Variants in ERCC4 observed in about 807,000 individuals in gnomAD.
ERCC4 encodes the protein ERCC excision repair 4, endonuclease catalytic subunit.
In ERCC4, 65 loss-of-function variants were observed where a neutral mutation model predicts 76.9. The observed-to-expected ratio is 0.84, with a 90% CI of 0.69 to 1.04. ERCC4 has a LOEUF of 1.04. Among genes scored for constraint, ERCC4 ranks in the 50% least tolerant of loss-of-function variants. The pLI is 0.00. For synonymous variants in ERCC4, 463 were observed against 410.1 expected, an observed-to-expected ratio of 1.13 and a Z score of -1.56; for missense variants, 1,214 against 1,128.2, an observed-to-expected ratio of 1.08 and a Z score of -1.09.
At chr16:13,931,630 A>G (rs2032173927) in intron 5 of ERCC4, 1 of 156,446 alleles carries the variant, frequency 6.4e-6, no homozygotes, top group Non-Finnish European at 1.4e-5. Flanking sequence ...AAAGTAAAAA[A>G]TGTTATTTAT....
intron 8 of ERCC4, among the ~76,000 whole-genome samples, chr16:13,937,268 C>T (rs1567249033): frequency 6.6e-6 from 1 of 151,862 alleles, no homozygotes. Context: ...CTTTGAGATG[C>T]CTGATGTAAT....
At position 13,922,207 on chromosome 16, in the gene ERCC4, T is replaced by C. The variant is rs1337735944; in HGVS notation, c.384T>C (p.Ile128=). The change falls in exon 2 of 11, where the codon ATT becomes ATC. Residue 128 remains isoleucine (I), a synonymous_variant. Coordinates refer to ENST00000311895, the MANE Select transcript of ERCC4 (RefSeq NM_005236.3). ...CTGATAGAATACCTTCAGATTTAAT[T>C]ACTGGTAAGAATTTGAAATCTTATT... The part of the protein sequence containing the change: ...FLTDRIPSDL[I]TGILVYRAHR... The C allele has an allele frequency of 6.3e-7, 1 of 1,596,656 alleles. No homozygotes were observed. Among genetic ancestry groups the C allele is most frequent in the African/African-American group, 1.3e-5 (1 of 74,568 alleles).
intron 1 of ERCC4, among the ~76,000 whole-genome samples, chr16:13,920,711 G>A (rs1013283972): frequency 1.3e-5 from 2 of 151,976 alleles, no homozygotes; most frequent in African/African-American, 2.4e-5. Context: ...ACTGTGCGGG[G>A]ACTCTGAGAG....
At chr16:13,932,398 G>C (rs143635105) in intron 6 of ERCC4, 113 bp downstream of exon 6, 2 of 935,110 alleles carry the variant, frequency 2.1e-6, no homozygotes, top group Non-Finnish European at 3.4e-6. Context: ...GTTCCTTGAA[G>C]ATAAATGTAT....
intron 5 of ERCC4, 174 bp downstream of exon 5, chr16:13,931,064 C>G (rs914919779): frequency 2.1e-5 from 13 of 630,926 alleles, no homozygotes; most frequent in Admixed American, 1.6e-4. Context: ...GCTAATGTTT[C>G]CGCCTACTTA....
chr16:13,944,848 C>G lies in ERCC4; in HGVS notation c.2017+13C>G, dbSNP rs2032486473. ...ACTCGGAAAGCCGGTGAGTCCTGCA[C>G]TTTGTCAGGCACCTCCATTGCCTGC... On this transcript the variant is annotated intron_variant, in intron 10 of 10. Transcript: ENST00000311895. 1 of 1,512,794 alleles carries G rather than the reference C, an allele frequency of 6.6e-7. No homozygotes were observed. The highest frequency in any genetic ancestry group is 1.7e-5 in the Admixed American group (1 of 59,894). The allele number at this position is 1,512,794 out of a possible 1,614,324, so 93.7% of individuals were successfully genotyped here.
chr16:13,947,733 G>A lies in ERCC4; in HGVS notation c.2137G>A (p.Val713Ile). 6.2e-7 allele frequency: 1 copy of A among 1,614,232 alleles called. No individual in the cohort carries two copies. The highest frequency in any genetic ancestry group is 8.5e-7 in the Non-Finnish European group (1 of 1,180,046). Residue 713 changes from valine to isoleucine, a missense_variant, in exon 11 of 11, where the codon GTT becomes ATT. Coordinates refer to ENST00000311895, the MANE Select transcript of ERCC4 (RefSeq NM_005236.3). The stretch of plus-strand genomic sequence containing the variant: ...TGACATTGAACCCGTGACTTTAGAG[G>A]TTGGAGATTACATCCTCACTCCAGA... ...GIDIEPVTLE[V>I]GDYILTPEMC...
chr16:13,929,558 AG>A (rs1378879092), intron 4 of ERCC4, among the ~76,000 whole-genome samples: 1 of 152,254 alleles, frequency 6.6e-6, no homozygotes, highest in African/African-American at 2.4e-5. Context: ...GTACCTAAAA[AG>A]TAACAGAATC....
At position 13,948,700 on chromosome 16, in the gene ERCC4, A is replaced by G. The variant is rs1038175781; in HGVS notation, c.*353A>G. On this transcript the variant is annotated 3_prime_UTR_variant, in exon 11 of 11. Coordinates refer to ENST00000311895, the MANE Select transcript of ERCC4 (RefSeq NM_005236.3). ...TAGAAAGGAATATGCTAAGCCTGGCATGGACGGTGCAGGGAGGGAAAAGAG... is the reference window on the plus strand; with the variant it reads ...TAGAAAGGAATATGCTAAGCCTGGCGTGGACGGTGCAGGGAGGGAAAAGAG... 1 of 267,794 alleles carries G rather than the reference A, an allele frequency of 3.7e-6. No homozygotes were observed. The highest frequency in any genetic ancestry group is 2.2e-5 in the African/African-American group (1 of 45,830). 16.6% of individuals were successfully genotyped at this position (267,794 alleles called of 1,614,324 possible).
In ERCC4 at chr16:13,947,953, C is replaced by T. The variant is rs1451008479; in HGVS notation, c.2357C>T (p.Ser786Phe). 1 of 1,614,138 alleles carries T rather than the reference C, an allele frequency of 6.2e-7. No individual in the cohort carries two copies. Among genetic ancestry groups the T allele is most frequent in the Non-Finnish European group, 8.5e-7 (1 of 1,180,036 alleles). Residue 786 changes from serine to phenylalanine, a missense_variant, in exon 11 of 11, where the codon TCC becomes TTC. Physicochemically the swap from Ser to Phe is radical, Grantham distance 155. Coordinates refer to ENST00000311895, the MANE Select transcript of ERCC4 (RefSeq NM_005236.3). ...GAGATCTCCAGCAATGACATTAGTT[C>T]CAAACTCACTCTTCTTACACTTCAC... ...FQEISSNDISSKLTLLTLHFP... is the reference protein window; with the variant it reads ...FQEISSNDISFKLTLLTLHFP...
intron 4 of ERCC4, among the ~76,000 whole-genome samples, chr16:13,928,984 G>A: frequency 6.6e-6 from 1 of 152,068 alleles, no homozygotes; most frequent in Non-Finnish European, 1.5e-5. Context: ...TTATTTCTCT[G>A]ATTCTTCAAA....
intron 6 of ERCC4, chr16:13,932,956 G>A (rs1466162218): frequency 1.3e-5 from 3 of 239,950 alleles, no homozygotes; most frequent in Non-Finnish European, 2.5e-5. Context: ...TGAGGCAGGA[G>A]AATCACTTGA....
intron 2 of ERCC4, chr16:13,922,526 C>G (rs2031998508): frequency 1.4e-6 from 1 of 735,148 alleles, no homozygotes; most frequent in African/African-American, 1.7e-5. Context: ...TCAGAAATGT[C>G]CCTGACTGCT....
chr16:13,940,814 A>C (rs907204065), intron 9 of ERCC4, among the ~76,000 whole-genome samples: 2 of 152,216 alleles, frequency 1.3e-5, no homozygotes, highest in East Asian at 3.8e-4. Flanking sequence ...GGAGCTGACC[A>C]AGAGCCAGTG....
intron 2 of ERCC4, 104 bp from the exon 3 acceptor site, chr16:13,926,457 G>C: frequency 2.0e-6 from 2 of 980,686 alleles, no homozygotes; most frequent in South Asian, 2.6e-5. Flanking sequence ...GCCCAGTCTA[G>C]AATGGTGCTT....
chr16:13,937,431 G>A (rs948395541), intron 8 of ERCC4, among the ~76,000 whole-genome samples: 2 of 152,116 alleles, frequency 1.3e-5, no homozygotes, highest in African/African-American at 2.4e-5. Flanking sequence ...AGAAAGAATT[G>A]GAGAAGCCTC....
Position 13,937,783 on chromosome 16 carries a change from A to C in ERCC4, c.1829A>C (p.Tyr610Ser). The C allele has an allele frequency of 6.2e-7, 1 of 1,611,964 alleles. No individual in the cohort carries two copies. Among genetic ancestry groups the C allele is most frequent in the Non-Finnish European group, 8.5e-7 (1 of 1,178,046 alleles). ...GKPLRVYFLI[Y>S]GGSTEEQRYL... The stretch of plus-strand genomic sequence containing the variant: ...ACATGCAGGGTTTACTTTCTTATAT[A>C]CGGAGGTTCAACTGAGGAACAACGC... The change falls in exon 9 of 11, where the codon TAC becomes TCC. Residue 610 changes from tyrosine (Y) to serine (S), a missense_variant. By Grantham distance (144) the Tyr-to-Ser change is moderately radical. Coordinates refer to ENST00000311895, the MANE Select transcript of ERCC4 (RefSeq NM_005236.3).
rs2141937228 is a variant in ERCC4, at chr16:13,920,279, G to A, written c.114G>A (p.Gly38=). 2.5e-6 allele frequency: 4 copies of A among 1,605,714 alleles called. No homozygotes were observed. The highest frequency in any genetic ancestry group is 3.4e-6 in the Non-Finnish European group (4 of 1,179,846). Residue 38 remains glycine, a synonymous_variant, in exon 1 of 11, where the codon GGG becomes GGA. Transcript: ENST00000311895. ...DTDGLVVCAR[G]LGADRLLYHF... is the part of the protein sequence containing the mutation. ...ACGGGCTAGTAGTGTGCGCCCGCGGGCTCGGCGCGGACCGGCTCCTCTACC... is the reference window on the plus strand; with the variant it reads ...ACGGGCTAGTAGTGTGCGCCCGCGGACTCGGCGCGGACCGGCTCCTCTACC...
rs3136082 is a variant in ERCC4, at chr16:13,925,672, G to A, written c.389-889G>A. 6.8e-4 allele frequency among the ~76,000 whole-genome samples: 104 copies of A among 152,236 alleles called. 2 individuals are homozygous for A. The highest frequency in any genetic ancestry group is 2.5e-3 in the African/African-American group (104 of 41,544). ...TGAGAACTGGATCAAAAGCATGCAA[G>A]TACCATTATGCCAAATATATATAAG... On this transcript the variant is annotated intron_variant, in intron 2 of 10. Transcript: ENST00000311895.
Sources: gnomAD v4.1 joint callset for allele counts (sites outside exome capture counted in the v4.1 genomes callset) on GRCh38, gnomAD v4.1.1 for gene constraint, MANE v1.5 for transcripts, NCBI Gene and HGNC (gene_info 2026-07-23, HGNC 2026-07-21) for gene names.